Variants in TNIK observed in about 807,000 individuals in gnomAD.
TNIK encodes TRAF2 and NCK-interacting protein kinase.
TNIK carries 49 observed loss-of-function variants against 191.3 expected under a neutral mutation model. The ratio of observed to expected loss-of-function variants is 0.26; its 90% CI spans 0.20 to 0.32. The LOEUF is 0.32. Ranked by LOEUF, TNIK falls within the 10% of genes least tolerant of loss-of-function variation. The pLI is 1.00. For missense variants in TNIK, 1,155 were observed against 1,702.3 expected (o/e 0.68, Z 5.66); for synonymous variants, 594 against 600.9 (o/e 0.99, Z 0.17).
intron 1 of TNIK, among the ~76,000 whole-genome samples, chr3:171,457,736 C>A (rs1379925047): frequency 2.0e-5 from 3 of 152,228 alleles, no homozygotes; most frequent in Non-Finnish European, 2.9e-5. Flanking sequence ...AGTCTTCTAG[C>A]CAGCAGTTCC....
chr3:171,189,840 T>C (rs1168025733), intron 6 of TNIK, among the ~76,000 whole-genome samples: 1 of 152,210 alleles, frequency 6.6e-6, no homozygotes, highest in East Asian at 1.9e-4. Context: ...ACATAATGTA[T>C]ACTTTTGTTT....
At chr3:171,073,569 A>G (rs1404588696) in intron 28 of TNIK, among the ~76,000 whole-genome samples, 2 of 152,214 alleles carry the variant, frequency 1.3e-5, no homozygotes, top group South Asian at 2.1e-4. Flanking sequence ...AAAATAAACA[A>G]TCAACAGAGT....
At chr3:171,392,778 C>CAAAAAAAAAAAAA (rs60306915) in intron 1 of TNIK, among the ~76,000 whole-genome samples, 30 of 95,010 alleles carry the variant, frequency 3.2e-4, no homozygotes, top group South Asian at 7.8e-4. Flanking sequence ...GATTCTGTCT[C>CAAAAAAAAAAAAA]AAAAAAAAAA....
chr3:171,198,278 G>A (rs1282894907), intron 4 of TNIK, among the ~76,000 whole-genome samples: 1 of 149,840 alleles, frequency 6.7e-6, no homozygotes. Flanking sequence ...AAAAAAAAGA[G>A]AAGCCAGACA....
chr3:171,298,170 G>T (rs1160673351), intron 2 of TNIK, among the ~76,000 whole-genome samples: 1 of 152,176 alleles, frequency 6.6e-6, no homozygotes, highest in Non-Finnish European at 1.5e-5. Flanking sequence ...GTGTGTGTTG[G>T]TTTCTATCTA....
intron 1 of TNIK, among the ~76,000 whole-genome samples, chr3:171,414,172 T>TA (rs1462871163): frequency 6.6e-6 from 1 of 152,236 alleles, no homozygotes; most frequent in Non-Finnish European, 1.5e-5. Context: ...GTTTCTACTT[T>TA]ATTAAGCCAG....
chr3:171,225,224 C>T (rs1280092617), intron 3 of TNIK, among the ~76,000 whole-genome samples: 1 of 152,162 alleles, frequency 6.6e-6, no homozygotes, highest in East Asian at 1.9e-4. Context: ...AATAGACTGT[C>T]TTCTAAAGGC....
At position 171,333,521 on chromosome 3, in the gene TNIK, C is replaced by T. The variant is rs948804440; in HGVS notation, c.123+36099G>A. Among the ~76,000 whole-genome samples the T allele has an allele frequency of 2.7e-5, 4 of 150,064 alleles. No individual in the cohort carries two copies. In the South Asian group the frequency reaches 8.5e-4, roughly 32 times the overall value. On this transcript the variant is annotated intron_variant, in intron 2 of 32. Coordinates refer to ENST00000436636, the MANE Select transcript of TNIK (RefSeq NM_015028.4). Reference sequence around the variant, plus strand: ...GCAGGGAGGCAGAGGTTGCAGCGAGCCAAGATCGCACCACTGCACTCCAAC... The same window carrying T: ...GCAGGGAGGCAGAGGTTGCAGCGAGTCAAGATCGCACCACTGCACTCCAAC...
intron 2 of TNIK, among the ~76,000 whole-genome samples, chr3:171,360,199 G>C (rs563599436): frequency 7.2e-5 from 11 of 152,212 alleles, no homozygotes; most frequent in Non-Finnish European, 1.2e-4. Flanking sequence ...GTGAGAACCT[G>C]CTAAAACCTT....
intron 13 of TNIK, 53 bp from the exon 14 acceptor site, chr3:171,139,609 G>C: frequency 1.9e-6 from 3 of 1,582,072 alleles, no homozygotes; most frequent in Non-Finnish European, 2.6e-6. Flanking sequence ...AGAGAGAAAT[G>C]AACCAGTAAT....
At chr3:171,328,941 C>T (rs751847215) in intron 2 of TNIK, among the ~76,000 whole-genome samples, 11 of 152,162 alleles carry the variant, frequency 7.2e-5, no homozygotes, top group Non-Finnish European at 1.2e-4. Flanking sequence ...ACAGCAACCC[C>T]ACCCACCTCA....
intron 2 of TNIK, among the ~76,000 whole-genome samples, chr3:171,286,315 G>A (rs1237885291): frequency 6.6e-6 from 1 of 152,156 alleles, no homozygotes; most frequent in East Asian, 1.9e-4. Context: ...GCCCTGACTC[G>A]TTACATGGAA....
At chr3:171,188,644 T>G (rs572323351) in intron 7 of TNIK, 58 bp downstream of exon 7, 1 of 1,596,782 alleles carries the variant, frequency 6.3e-7, no homozygotes, top group African/African-American at 1.3e-5. Flanking sequence ...TGTAAGACTT[T>G]ATAAGACTCA....
rs1717681060 is a variant in TNIK, at chr3:171,059,991, G to A, written c.*3890C>T. On this transcript the variant is annotated 3_prime_UTR_variant, in exon 33 of 33. Coordinates refer to ENST00000436636, the MANE Select transcript of TNIK (RefSeq NM_015028.4). ...ATTTTCTCATGTTTTCCTGCAGTAG[G>A]TTAAAATTAAAAGTTTTATCAATAA... Among the ~76,000 whole-genome samples, 1 of 152,098 alleles carries A rather than the reference G, an allele frequency of 6.6e-6. No homozygotes were observed. Among genetic ancestry groups the A allele is most frequent in the Non-Finnish European group, 1.5e-5 (1 of 68,024 alleles).
intron 2 of TNIK, among the ~76,000 whole-genome samples, chr3:171,322,629 A>G (rs1366840254): frequency 6.6e-6 from 1 of 152,164 alleles, no homozygotes; most frequent in Non-Finnish European, 1.5e-5. Context: ...GTCTACTTCT[A>G]CCATATACGC....
intron 24 of TNIK, among the ~76,000 whole-genome samples, chr3:171,086,570 C>T (rs1273197666): frequency 6.6e-6 from 1 of 152,152 alleles, no homozygotes; most frequent in Non-Finnish European, 1.5e-5. Context: ...ATGCAAAGCT[C>T]ATCTACTCTA....
intron 18 of TNIK, among the ~76,000 whole-genome samples, chr3:171,123,391 A>G (rs1034399997): frequency 5.3e-5 from 8 of 152,250 alleles, no homozygotes; most frequent in Non-Finnish European, 7.3e-5. Flanking sequence ...TAATTTATTC[A>G]TGAGCCCCCC....
At chr3:171,093,700 A>G in intron 23 of TNIK, 139 bp downstream of exon 23, 1 of 1,110,152 alleles carries the variant, frequency 9.0e-7, no homozygotes, top group Non-Finnish European at 1.2e-6. Flanking sequence ...TCACTCAACT[A>G]TTTGGAAGCA....
chr3:171,139,330 A>G, intron 14 of TNIK, 140 bp downstream of exon 14: 1 of 735,030 alleles, frequency 1.4e-6, no homozygotes, highest in Non-Finnish European at 2.3e-6. Flanking sequence ...TGAGGCTTAG[A>G]AGATCCCCTC....
Sources: allele counts gnomAD v4.1 joint callset (sites outside exome capture counted in the v4.1 genomes callset), GRCh38; gene constraint gnomAD v4.1.1; transcripts MANE v1.5; gene names NCBI Gene and HGNC (gene_info 2026-07-23, HGNC 2026-07-21).